The following NELL2 variants were observed in gnomAD, a reference collection of about 807,000 sequenced individuals.
NELL2 encodes the protein neural EGFL like 2.
NELL2 carries 41 observed loss-of-function variants against 109.6 expected under a neutral mutation model. The observed-to-expected ratio is 0.37, with a 90% CI of 0.29 to 0.49. The LOEUF (loss-of-function observed/expected upper bound fraction) is 0.49, where lower values mean the gene tolerates loss of function less well. NELL2 is among the 20% of genes least tolerant of loss of function. NELL2 has a pLI of 0.98. For missense variants in NELL2, 900 were observed against 1,008.3 expected (o/e 0.89, Z 1.45); for synonymous variants, 355 against 344.7 (o/e 1.03, Z -0.33).
chr12:44,900,606 T>G (rs1945649343), intron 1 of NELL2, among the ~76,000 whole-genome samples: 1 of 151,964 alleles, frequency 6.6e-6, no homozygotes, highest in Admixed American at 6.6e-5. Context: ...GGGACACAGC[T>G]AAAGCAGTGT....
At chr12:44,656,128 T>C (rs1207807128) in intron 13 of NELL2, among the ~76,000 whole-genome samples, 2 of 152,188 alleles carry the variant, frequency 1.3e-5, no homozygotes, top group Non-Finnish European at 2.9e-5. Flanking sequence ...TGCTTGAGAA[T>C]GGCCCAGACC....
At chr12:44,815,829 G>A (rs930976874) in intron 3 of NELL2, 157 bp downstream of exon 3, 1 of 683,256 alleles carries the variant, frequency 1.5e-6, no homozygotes, top group Non-Finnish European at 2.3e-6. Context: ...ATATTGGTCA[G>A]GCTGGTCTTG....
upstream of NELL2, among the ~76,000 whole-genome samples, chr12:44,880,094 T>C (rs1243528785): frequency 4.1e-5 from 6 of 147,272 alleles, no homozygotes; most frequent in African/African-American, 1.3e-4. Flanking sequence ...TAAAAGACTA[T>C]GAAAAATAGT....
Position 44,529,468 on chromosome 12 carries a change from A to G in NELL2, c.1804+3113T>C, listed in dbSNP as rs374679402. 4.0e-4 allele frequency among the ~76,000 whole-genome samples: 61 copies of G among 152,286 alleles called. 2 individuals carry two copies. In the South Asian group the frequency reaches 0.012, roughly 31 times the overall value. ...TAGATGTAGAATCTGCAGCCAGGGC[A>G]GAGGTCTGAATTAGGGATACATAGA... On this transcript the variant is annotated intron_variant, in intron 16 of 19. Transcript: ENST00000429094.
At chr12:44,744,021 C>G (rs1431501466) in intron 9 of NELL2, among the ~76,000 whole-genome samples, 3 of 152,108 alleles carry the variant, frequency 2.0e-5, no homozygotes, top group Non-Finnish European at 2.9e-5. Context: ...CACACCACAC[C>G]TACTCCAAAA....
chr12:44,659,053 T>C (rs1366667004), intron 13 of NELL2, among the ~76,000 whole-genome samples: 1 of 152,020 alleles, frequency 6.6e-6, no homozygotes, highest in Non-Finnish European at 1.5e-5. Context: ...ACCACACATC[T>C]ATAAACAGCT....
intron 9 of NELL2, among the ~76,000 whole-genome samples, chr12:44,743,397 C>T (rs892912036): frequency 4.7e-4 from 72 of 152,086 alleles, no homozygotes; most frequent in African/African-American, 1.7e-4. Context: ...CATCAACTAA[C>T]GAGCAAAATA....
At chr12:44,654,451 T>C (rs1054728284) in intron 13 of NELL2, among the ~76,000 whole-genome samples, 1 of 152,184 alleles carries the variant, frequency 6.6e-6, no homozygotes, top group South Asian at 2.1e-4. Context: ...CCCTCTGATA[T>C]CTATCTCCTG....
chr12:44,613,475 A>G (rs990270126), intron 13 of NELL2, among the ~76,000 whole-genome samples: 2 of 152,234 alleles, frequency 1.3e-5, no homozygotes, highest in East Asian at 3.9e-4. Context: ...CCAAACACAG[A>G]GCTCTTAAAA....
At position 44,801,416 on chromosome 12, in the gene NELL2, G is replaced by A. The variant is rs528532963; in HGVS notation, c.335+14570C>T. On this transcript the variant is annotated intron_variant, in intron 3 of 19. Coordinates refer to ENST00000429094, the MANE Select transcript of NELL2 (RefSeq NM_001145108.2). ...ATCTTCAAACCACTATAGAACAATA[G>A]TGCTATCTGGTCATTAGAGTTTTTG... 2.6e-4 allele frequency among the ~76,000 whole-genome samples: 39 copies of A among 152,192 alleles called. 1 individual carries two copies. The South Asian group carries it at 7.7e-3, about 30-fold the overall frequency.
At chr12:44,628,072 T>C (rs920250248) in intron 13 of NELL2, among the ~76,000 whole-genome samples, 1 of 152,136 alleles carries the variant, frequency 6.6e-6, no homozygotes, top group Admixed American at 6.5e-5. Context: ...TACTTTATAA[T>C]CAATGCTGAA....
intron 15 of NELL2, among the ~76,000 whole-genome samples, chr12:44,562,559 C>T (rs532048112): frequency 4.6e-5 from 7 of 152,080 alleles, no homozygotes; most frequent in Middle Eastern, 3.4e-3. Context: ...AACAAACATA[C>T]GAAAAAAAGC....
At chr12:44,614,009 T>C (rs1860514949) in intron 13 of NELL2, among the ~76,000 whole-genome samples, 1 of 152,070 alleles carries the variant, frequency 6.6e-6, no homozygotes, top group Non-Finnish European at 1.5e-5. Context: ...ATCAATATTA[T>C]GTTCCAATGT....
At chr12:44,542,449 A>G (rs1029838507) in intron 15 of NELL2, among the ~76,000 whole-genome samples, 1 of 152,156 alleles carries the variant, frequency 6.6e-6, no homozygotes, top group African/African-American at 2.4e-5. Context: ...TGCCACTAGT[A>G]CATTGAAAAC....
intron 15 of NELL2, among the ~76,000 whole-genome samples, chr12:44,565,635 A>C (rs12300089): frequency 0.11 from 17,137 of 152,150 alleles, 3,209 homozygotes; most frequent in African/African-American, 0.39. Context: ...TAAAGTCAGA[A>C]TGCTTGAGTT....
chr12:44,745,709 A>G (rs1387572982), intron 9 of NELL2, among the ~76,000 whole-genome samples: 2 of 152,202 alleles, frequency 1.3e-5, no homozygotes, highest in Non-Finnish European at 2.9e-5. Context: ...TGCTTCAAAG[A>G]GAATAAAATA....
At chr12:44,692,349 G>C (rs1290294279) in intron 12 of NELL2, among the ~76,000 whole-genome samples, 2 of 152,094 alleles carry the variant, frequency 1.3e-5, no homozygotes, top group Non-Finnish European at 2.9e-5. Context: ...TCAGAATAAA[G>C]AAGTATTCCT....
intron 2 of NELL2, among the ~76,000 whole-genome samples, chr12:44,837,759 T>C (rs926997271): frequency 6.6e-6 from 1 of 152,152 alleles, no homozygotes; most frequent in Non-Finnish European, 1.5e-5. Flanking sequence ...GACTCAGAAC[T>C]ACATTTGGTT....
intron 9 of NELL2, among the ~76,000 whole-genome samples, chr12:44,758,849 C>T (rs1941003427): frequency 6.6e-6 from 1 of 152,240 alleles, no homozygotes; most frequent in South Asian, 2.1e-4. Context: ...TGTTTCTGAA[C>T]TAGTATTCTT....
Sources: allele counts gnomAD v4.1 joint callset (sites outside exome capture counted in the v4.1 genomes callset), GRCh38; gene constraint gnomAD v4.1.1; transcripts MANE v1.5; gene names NCBI Gene and HGNC (gene_info 2026-07-23, HGNC 2026-07-21).